Variants in DPYD observed in about 807,000 individuals in gnomAD.
DPYD encodes the protein dihydropyrimidine dehydrogenase [NADP(+)].
Under a neutral mutation model 116.2 loss-of-function variants are expected in DPYD, and 109 were observed. The observed-to-expected ratio is 0.94, with a 90% CI of 0.80 to 1.10. DPYD has a LOEUF of 1.10. DPYD is among the 50% of genes least tolerant of loss of function. The pLI, the probability that DPYD is intolerant of heterozygous loss-of-function variation, is 0.00. For missense variants in DPYD, 1,302 were observed against 1,254.5 expected (o/e 1.04, Z -0.57); for synonymous variants, 440 against 432.0 (o/e 1.02, Z -0.23).
intron 8 of DPYD, among the ~76,000 whole-genome samples, chr1:97,625,341 C>T (rs1344671996): frequency 1.3e-5 from 2 of 151,706 alleles, no homozygotes; most frequent in Non-Finnish European, 2.9e-5. Context: ...CAAGAGTCTG[C>T]CTTTAAAAGA....
At chr1:97,554,429 G>A (rs936086058) in intron 11 of DPYD, among the ~76,000 whole-genome samples, 10 of 151,912 alleles carry the variant, frequency 6.6e-5, no homozygotes, top group Admixed American at 5.3e-4. Flanking sequence ...ACAATGGGGG[G>A]AATAAAAACT....
At chr1:97,893,429 C>CATATATATAT (rs59336649) in intron 1 of DPYD, among the ~76,000 whole-genome samples, 6,151 of 71,544 alleles carry the variant, frequency 0.086, 486 homozygotes, top group East Asian at 0.094. Context: ...ATATCCATCG[C>CATATATATAT]ATATATATAT....
intron 11 of DPYD, among the ~76,000 whole-genome samples, chr1:97,551,423 ACAT>A (rs2102092255): frequency 6.6e-6 from 1 of 152,236 alleles, no homozygotes; most frequent in South Asian, 2.1e-4. Context: ...CAACTGTAAC[ACAT>A]CATCATTGAA....
intron 19 of DPYD, among the ~76,000 whole-genome samples, chr1:97,217,574 A>C (rs983023085): frequency 1.3e-5 from 2 of 152,178 alleles, no homozygotes; most frequent in Non-Finnish European, 2.9e-5. Flanking sequence ...AATACCATCA[A>C]AATAAATGTG....
intron 14 of DPYD, among the ~76,000 whole-genome samples, chr1:97,445,719 T>C (rs1676043096): frequency 7.6e-6 from 1 of 131,486 alleles, no homozygotes; most frequent in Non-Finnish European, 1.6e-5. Flanking sequence ...ATGTATAAAT[T>C]GTCTGATTTT....
chr1:97,419,975 A>G (rs564261968), intron 14 of DPYD: 2 of 152,236 alleles, frequency 1.3e-5, no homozygotes, highest in Non-Finnish European at 2.9e-5. Context: ...TCAATTGTGG[A>G]TAAAATGAAT....
intron 14 of DPYD, among the ~76,000 whole-genome samples, chr1:97,395,180 T>C (rs187826873): frequency 2.1e-4 from 32 of 150,248 alleles, no homozygotes; most frequent in Admixed American, 1.9e-3. Flanking sequence ...TATATATTTT[T>C]AAATTATATA....
At chr1:97,356,065 C>A (rs1301992274) in intron 16 of DPYD, among the ~76,000 whole-genome samples, 1 of 152,120 alleles carries the variant, frequency 6.6e-6, no homozygotes, top group Non-Finnish European at 1.5e-5. Flanking sequence ...CCAGGGCTCC[C>A]TTTTCTCTGC....
At chr1:97,827,967 G>T in intron 3 of DPYD, 147 bp downstream of exon 3, 1 of 751,388 alleles carries the variant, frequency 1.3e-6, no homozygotes, top group Non-Finnish European at 2.3e-6. Flanking sequence ...CCAAAGTACA[G>T]CCTCAAGGGA....
intron 18 of DPYD, among the ~76,000 whole-genome samples, chr1:97,286,223 T>A (rs1453657406): frequency 6.6e-6 from 1 of 152,102 alleles, no homozygotes; most frequent in South Asian, 2.1e-4. Context: ...AAAATTCTTT[T>A]CTTTAAGAAT....
intron 13 of DPYD, among the ~76,000 whole-genome samples, chr1:97,496,651 T>C (rs1306489787): frequency 6.6e-6 from 1 of 152,046 alleles, no homozygotes; most frequent in Non-Finnish European, 1.5e-5. Context: ...ATGTATTCTC[T>C]ATTCTTTGGA....
At chr1:97,568,207 C>G (rs1570974554) in intron 11 of DPYD, among the ~76,000 whole-genome samples, 1 of 151,778 alleles carries the variant, frequency 6.6e-6, no homozygotes, top group African/African-American at 2.4e-5. Flanking sequence ...GTCATGTTGA[C>G]AGAGCCTCCA....
intron 16 of DPYD, among the ~76,000 whole-genome samples, chr1:97,358,464 G>T (rs1214395689): frequency 6.6e-6 from 1 of 152,188 alleles, no homozygotes; most frequent in East Asian, 1.9e-4. Context: ...CTCCCAGCAT[G>T]GTGTCTGAGC....
At chr1:97,123,300 A>T (rs997816478) in intron 20 of DPYD, among the ~76,000 whole-genome samples, 7 of 152,128 alleles carry the variant, frequency 4.6e-5, no homozygotes, top group Non-Finnish European at 1.0e-4. Context: ...CTGTAGACAA[A>T]ATTTATTTTT....
intron 4 of DPYD, among the ~76,000 whole-genome samples, chr1:97,735,470 T>C (rs889848641): frequency 6.7e-6 from 1 of 148,330 alleles, no homozygotes; most frequent in Non-Finnish European, 1.5e-5. Context: ...AGGTCAGGAG[T>C]TGGAAAGCAT....
At chr1:97,184,838 G>A (rs1245515540) in intron 20 of DPYD, among the ~76,000 whole-genome samples, 1 of 152,032 alleles carries the variant, frequency 6.6e-6, no homozygotes, top group African/African-American at 2.4e-5. Context: ...TAAAGACAGT[G>A]CAAGCCCATT....
chr1:97,364,291 A>G (rs1272023807), intron 16 of DPYD, among the ~76,000 whole-genome samples: 1 of 152,236 alleles, frequency 6.6e-6, no homozygotes, highest in African/African-American at 2.4e-5. Context: ...AGAAAGCTGC[A>G]TGTTCTTTTC....
At chr1:97,863,231 C>T (rs1051466375) in intron 2 of DPYD, among the ~76,000 whole-genome samples, 2 of 151,778 alleles carry the variant, frequency 1.3e-5, no homozygotes, top group African/African-American at 4.8e-5. Flanking sequence ...TAAAGAAATG[C>T]CATATGATCA....
intron 20 of DPYD, among the ~76,000 whole-genome samples, chr1:97,186,420 C>T (rs1340464338): frequency 1.3e-5 from 2 of 152,150 alleles, no homozygotes; most frequent in Admixed American, 6.5e-5. Context: ...CACCCTGCTT[C>T]TACCCTCCCA....
Sources: gnomAD v4.1 joint callset for allele counts (sites outside exome capture counted in the v4.1 genomes callset) on GRCh38, gnomAD v4.1.1 for gene constraint, MANE v1.5 for transcripts, NCBI Gene and HGNC (gene_info 2026-07-23, HGNC 2026-07-21) for gene names.